The following RAB39A variants were observed in gnomAD, a reference collection of about 807,000 sequenced individuals.
RAB39A encodes ras-related protein Rab-39A.
A neutral mutation model predicts 20.9 loss-of-function variants in RAB39A; 17 were observed. The observed-to-expected ratio is 0.81, with a 90% CI of 0.56 to 1.22. The LOEUF (loss-of-function observed/expected upper bound fraction) is 1.22. RAB39A is among the 50% of genes most tolerant of loss of function. RAB39A has a pLI of 0.00. For synonymous variants in RAB39A, 99 were observed against 103.4 expected (o/e 0.96, Z 0.26); for missense variants, 234 against 270.5 (o/e 0.87, Z 0.95).
At chr11:107,949,090 G>T (rs547962774) in intron 1 of RAB39A, among the ~76,000 whole-genome samples, 1 of 152,250 alleles carries the variant, frequency 6.6e-6, no homozygotes, top group Non-Finnish European at 1.5e-5. Context: ...GGAGGCCGAG[G>T]CAGGCCAATT....
chr11:107,961,817 A>G, intron 1 of RAB39A, 129 bp from the exon 2 acceptor site: 3 of 795,568 alleles, frequency 3.8e-6, no homozygotes, highest in African/African-American at 3.5e-5. Flanking sequence ...GATACCTCAT[A>G]TTTTATTTAT....
At chr11:107,938,271 A>T in intron 1 of RAB39A, among the ~76,000 whole-genome samples, 1 of 150,666 alleles carries the variant, frequency 6.6e-6, no homozygotes, top group South Asian at 2.1e-4. Flanking sequence ...GAGGCAGGAG[A>T]ATTGCTTGAA....
At chr11:107,944,368 A>C (rs1015725578) in intron 1 of RAB39A, among the ~76,000 whole-genome samples, 2 of 152,138 alleles carry the variant, frequency 1.3e-5, no homozygotes, top group African/African-American at 4.8e-5. Flanking sequence ...ATGGGTTGCT[A>C]TGTGTCAGCT....
At chr11:107,952,690 G>T (rs1378061114) in intron 1 of RAB39A, among the ~76,000 whole-genome samples, 1 of 151,800 alleles carries the variant, frequency 6.6e-6, no homozygotes, top group East Asian at 1.9e-4. Flanking sequence ...GACCATTCTG[G>T]CCAATGTGGT....
chr11:107,945,318 CAAAAAAAAAAAA>C lies in RAB39A; in HGVS notation c.227+16535_227+16546del, dbSNP rs33940061. On this transcript the variant is annotated intron_variant, in intron 1 of 1. Coordinates refer to ENST00000320578, the MANE Select transcript of RAB39A (RefSeq NM_017516.3). ...GCAACACAGCAAAACCCCGTCTCTA[CAAAAAAAAAAAA>C]AAAAAAAAAAAGTGGTTTCTTGTGA... Among the ~76,000 whole-genome samples, 4 of 87,448 alleles carry C rather than the reference CAAAAAAAAAAAA, an allele frequency of 4.6e-5. 1 individual carries two copies. Among genetic ancestry groups the C allele is most frequent in the African/African-American group, 1.8e-4 (4 of 22,104 alleles). 57.4% of individuals were successfully genotyped at this position (87,448 alleles called of 152,430 possible).
chr11:107,946,453 TA>T (rs1565464301), intron 1 of RAB39A, among the ~76,000 whole-genome samples: 21 of 75,860 alleles, frequency 2.8e-4, no homozygotes, highest in African/African-American at 4.5e-4. Flanking sequence ...TATATATATA[TA>T]TATATATTTT....
chr11:107,946,847 G>A (rs1315309020), intron 1 of RAB39A, among the ~76,000 whole-genome samples: 1 of 151,666 alleles, frequency 6.6e-6, no homozygotes, highest in Non-Finnish European at 1.5e-5. Flanking sequence ...TAGCACTTTG[G>A]GAGGCTGAGG....
At chr11:107,946,169 C>T (rs926086039) in intron 1 of RAB39A, among the ~76,000 whole-genome samples, 3 of 144,364 alleles carry the variant, frequency 2.1e-5, no homozygotes, top group African/African-American at 7.7e-5. Context: ...AACAAACAAA[C>T]AAACAAACAG....
In RAB39A at chr11:107,928,592, G is replaced by C. The variant is rs1861105920; in HGVS notation, c.24G>C (p.Gln8His). 6.3e-7 allele frequency: 1 copy of C among 1,581,902 alleles called. No homozygotes were observed. Among genetic ancestry groups the C allele is most frequent in the East Asian group, 2.3e-5 (1 of 44,204 alleles). The change falls in exon 1 of 2, where the codon CAG becomes CAC. Residue 8 changes from glutamine to histidine, a missense_variant. Transcript: ENST00000320578. This position sits in a 1 kb window ranked among gnomAD's most constrained non-coding sequence, Gnocchi z 4.9. METIWIY[Q>H]FRLIVIGDST... ...CGATGGAGACCATCTGGATCTACCA[G>C]TTCCGCCTCATCGTGATCGGGGACT...
intron 1 of RAB39A, among the ~76,000 whole-genome samples, chr11:107,946,930 T>TA (rs1861325280): frequency 6.6e-6 from 1 of 151,698 alleles, no homozygotes; most frequent in Non-Finnish European, 1.5e-5. Context: ...CTACTAAAAA[T>TA]AAAAAATTAG....
intron 1 of RAB39A, among the ~76,000 whole-genome samples, chr11:107,951,615 ATTT>A (rs4028253): frequency 9.5e-6 from 1 of 105,698 alleles, no homozygotes; most frequent in Non-Finnish European, 1.8e-5. Context: ...CCATTTTCAG[ATTT>A]TTTTTTTTTT....
intron 1 of RAB39A, among the ~76,000 whole-genome samples, chr11:107,939,607 C>G (rs1156921321): frequency 7.0e-6 from 1 of 143,350 alleles, no homozygotes; most frequent in East Asian, 2.0e-4. Flanking sequence ...CAGACTCCAT[C>G]TCAAAGAAAA....
chr11:107,950,056 T>C (rs1236218110), intron 1 of RAB39A, among the ~76,000 whole-genome samples: 1 of 151,920 alleles, frequency 6.6e-6, no homozygotes, highest in Non-Finnish European at 1.5e-5. Context: ...GGCCGGCCCC[T>C]GTAGTCCCAG....
Position 107,962,199 on chromosome 11 carries a change from G to A in RAB39A, c.481G>A (p.Ala161Thr), listed in dbSNP as rs1383814562. The A allele has an allele frequency of 1.9e-6, 3 of 1,614,048 alleles. No individual in the cohort carries two copies. Among genetic ancestry groups the A allele is most frequent in the Non-Finnish European group, 2.5e-6 (3 of 1,179,940 alleles). The change falls in exon 2 of 2, where the codon GCT becomes ACT. Residue 161 changes from alanine to threonine, a missense_variant. Ala to Thr is a moderately conservative substitution (Grantham distance 58). Transcript: ENST00000320578. ...GTATATAGAAACCTCAGCAAAGGAT[G>A]CTACAAATGTTGAAGAATCCTTCAC... ...MKYIETSAKD[A>T]TNVEESFTIL...
At chr11:107,931,404 G>A (rs1173290929) in intron 1 of RAB39A, among the ~76,000 whole-genome samples, 2 of 152,230 alleles carry the variant, frequency 1.3e-5, no homozygotes, top group African/African-American at 4.8e-5. Context: ...TTTACTGACA[G>A]TGAGTCATAA....
chr11:107,957,498 A>T (rs771946039), intron 1 of RAB39A, among the ~76,000 whole-genome samples: 1 of 152,102 alleles, frequency 6.6e-6, no homozygotes, highest in African/African-American at 2.4e-5. Context: ...AGGAAAGGAG[A>T]CTGCTCCTCT....
intron 1 of RAB39A, among the ~76,000 whole-genome samples, chr11:107,936,139 A>C (rs1410312006): frequency 2.6e-5 from 4 of 151,992 alleles, no homozygotes; most frequent in Admixed American, 2.6e-4. Context: ...ACCTCAAGTG[A>C]TCCGCCCACC....
chr11:107,928,500 A>T lies in RAB39A; in HGVS notation c.-69A>T. Reference sequence around the variant, plus strand: ...GGGCGGGCGCCCGCGAGGTGCTGAAAGGACAGTTCCCGCCGCCGAACTTAG... The same window carrying T: ...GGGCGGGCGCCCGCGAGGTGCTGAATGGACAGTTCCCGCCGCCGAACTTAG... On this transcript the variant is annotated 5_prime_UTR_variant, in exon 1 of 2. The change creates a new upstream start codon in the 5' untranslated region. Coordinates refer to ENST00000320578, the MANE Select transcript of RAB39A (RefSeq NM_017516.3). This position sits in a 1 kb window ranked among gnomAD's most constrained non-coding sequence, Gnocchi z 4.9. The T allele has an allele frequency of 8.0e-7, 1 of 1,249,686 alleles. No homozygotes were observed. Among genetic ancestry groups the T allele is most frequent in the Non-Finnish European group, 1.1e-6 (1 of 945,248 alleles). 77.4% of individuals were successfully genotyped at this position (1,249,686 alleles called of 1,614,324 possible).
chr11:107,945,747 A>G (rs1861301252), intron 1 of RAB39A, among the ~76,000 whole-genome samples: 1 of 151,978 alleles, frequency 6.6e-6, no homozygotes, highest in Non-Finnish European at 1.5e-5. Flanking sequence ...ATATCAAACA[A>G]TTTTCTCTCC....
Sources: gnomAD v4.1 joint callset for allele counts (sites outside exome capture counted in the v4.1 genomes callset) on GRCh38, gnomAD v4.1.1 for gene constraint, Gnocchi (gnomAD v3.1) non-coding constraint, MANE v1.5 for transcripts, NCBI Gene and HGNC (gene_info 2026-07-23, HGNC 2026-07-21) for gene names.